Variants in CFAP299 observed in about 807,000 individuals in gnomAD.
The protein encoded by CFAP299 is cilia and flagella associated protein 299, also known as cilia- and flagella-associated protein 299.
A neutral mutation model predicts 27.0 loss-of-function variants in CFAP299; 21 were observed. The observed-to-expected ratio is 0.78, with a 90% CI of 0.55 to 1.12. CFAP299 has a LOEUF of 1.12. CFAP299 is among the 50% of genes most tolerant of loss of function. The pLI, the probability that CFAP299 is intolerant of heterozygous loss-of-function variation, is 0.00. For synonymous variants in CFAP299, 104 were observed against 98.1 expected (o/e 1.06, Z -0.36); for missense variants, 310 against 276.6 (o/e 1.12, Z -0.86).
Position 80,390,722 on chromosome 4 carries a change from TAC to T in CFAP299, c.242+27840_242+27841del, listed in dbSNP as rs369966434. The stretch of plus-strand genomic sequence containing the variant: ...ATATATGTATATATGTATACACACA[TAC>T]ATGTATATATGTATATATGTATATA... On this transcript the variant is annotated intron_variant, in intron 2 of 5. Coordinates refer to ENST00000358105, the MANE Select transcript of CFAP299 (RefSeq NM_152770.3). 1.5e-4 allele frequency among the ~76,000 whole-genome samples: 18 copies of T among 117,754 alleles called. 1 individual carries two copies. The highest frequency in any genetic ancestry group is 5.6e-4 in the African/African-American group (16 of 28,348). 77.3% of individuals were successfully genotyped at this position (117,754 alleles called of 152,430 possible). A position where few individuals can be genotyped will look rare whatever the true frequency, so the allele number is the denominator to read the frequency against.
At chr4:80,803,852 A>G (rs1578142370) in intron 3 of CFAP299, among the ~76,000 whole-genome samples, 1 of 151,978 alleles carries the variant, frequency 6.6e-6, no homozygotes, top group East Asian at 1.9e-4. Context: ...AGTATAGTTC[A>G]GTGGTGTCTT....
At chr4:80,673,395 T>C (rs913278939) in intron 3 of CFAP299, among the ~76,000 whole-genome samples, 1 of 152,208 alleles carries the variant, frequency 6.6e-6, no homozygotes, top group African/African-American at 2.4e-5. Context: ...TAATTTCTGT[T>C]CTTTTACATT....
chr4:80,832,550 A>T (rs1191148247), intron 3 of CFAP299, among the ~76,000 whole-genome samples: 1 of 152,132 alleles, frequency 6.6e-6, no homozygotes, highest in Non-Finnish European at 1.5e-5. Context: ...TAAATATTAA[A>T]TTTTCATATA....
chr4:80,479,178 T>A (rs573508984), intron 2 of CFAP299, among the ~76,000 whole-genome samples: 4 of 152,152 alleles, frequency 2.6e-5, no homozygotes, highest in South Asian at 4.1e-4. Context: ...TGCATTGCAG[T>A]TGGATTATAT....
intron 2 of CFAP299, among the ~76,000 whole-genome samples, chr4:80,504,779 G>A (rs1436775310): frequency 6.8e-6 from 1 of 147,552 alleles, no homozygotes; most frequent in Non-Finnish European, 1.5e-5. Flanking sequence ...TGGTTACCAA[G>A]GCCTAAGAGG....
Position 80,582,829 on chromosome 4 carries a change from C to T in CFAP299, c.243-264C>T, listed in dbSNP as rs116004312. Among the ~76,000 whole-genome samples, 1,074 of 151,728 alleles carry T rather than the reference C, an allele frequency of 7.1e-3. 13 individuals are homozygous for T. The highest frequency in any genetic ancestry group is 0.024 in the African/African-American group (1,004 of 41,448). ...CTTTTCATGATATGTTAAAAAAGAACGAAATGGGCATGTAAATGAAATTAT... is the reference window on the plus strand; with the variant it reads ...CTTTTCATGATATGTTAAAAAAGAATGAAATGGGCATGTAAATGAAATTAT... On this transcript the variant is annotated intron_variant, in intron 2 of 5. Transcript: ENST00000358105.
chr4:80,668,873 G>A (rs1310349042), intron 3 of CFAP299, among the ~76,000 whole-genome samples: 1 of 151,882 alleles, frequency 6.6e-6, no homozygotes, highest in Non-Finnish European at 1.5e-5. Flanking sequence ...TTTTTTGATA[G>A]GGATTGCACT....
intron 2 of CFAP299, among the ~76,000 whole-genome samples, chr4:80,398,036 A>G (rs1309990411): frequency 6.6e-6 from 1 of 152,178 alleles, no homozygotes; most frequent in African/African-American, 2.4e-5. Flanking sequence ...ATTCTTATAC[A>G]CCAATAACAG....
chr4:80,787,219 T>C (rs1229967551), intron 3 of CFAP299, among the ~76,000 whole-genome samples: 1 of 148,168 alleles, frequency 6.7e-6, no homozygotes, highest in Admixed American at 6.8e-5. Context: ...TAATATTTTA[T>C]ATATATATAA....
chr4:80,562,528 A>T (rs753429538), intron 2 of CFAP299, among the ~76,000 whole-genome samples: 4 of 151,686 alleles, frequency 2.6e-5, no homozygotes, highest in Non-Finnish European at 4.4e-5. Context: ...CAGCTTAACA[A>T]ATTAAAAATA....
rs140033786 is a variant in CFAP299, at chr4:80,405,119, T to C, written c.242+42235T>C. On this transcript the variant is annotated intron_variant, in intron 2 of 5. Coordinates refer to ENST00000358105, the MANE Select transcript of CFAP299 (RefSeq NM_152770.3). ...AAGCTTTGAACATGGCCAGTTTCCA[T>C]ACCTGCCCAATATGGATCTCATTTC... is the stretch of plus-strand genomic sequence containing the variant. Among the ~76,000 whole-genome samples, 412 of 152,308 alleles carry C rather than the reference T, an allele frequency of 2.7e-3. 3 individuals carry two copies. The Middle Eastern group carries it at 0.031, about 11-fold the overall frequency.
At chr4:80,911,642 A>T (rs1423779338) in intron 4 of CFAP299, among the ~76,000 whole-genome samples, 4 of 152,188 alleles carry the variant, frequency 2.6e-5, no homozygotes, top group Non-Finnish European at 5.9e-5. Context: ...AGTCAATACC[A>T]TAAATCTCAT....
chr4:80,546,575 T>C (rs1734238285), intron 2 of CFAP299, among the ~76,000 whole-genome samples: 1 of 152,126 alleles, frequency 6.6e-6, no homozygotes, highest in Admixed American at 6.6e-5. Flanking sequence ...TAATCCCCAA[T>C]GTTGAAGGTA....
chr4:80,373,805 G>C (rs947347620), intron 2 of CFAP299, among the ~76,000 whole-genome samples: 3 of 152,074 alleles, frequency 2.0e-5, no homozygotes, highest in Non-Finnish European at 4.4e-5. Flanking sequence ...ATGCAACAAG[G>C]CTTTTCTGCA....
At chr4:80,607,068 G>A (rs1737716112) in intron 3 of CFAP299, among the ~76,000 whole-genome samples, 1 of 152,128 alleles carries the variant, frequency 6.6e-6, no homozygotes, top group African/African-American at 2.4e-5. Flanking sequence ...GGGAACAGTG[G>A]TTCCTTACAT....
intron 3 of CFAP299, among the ~76,000 whole-genome samples, chr4:80,836,040 T>C (rs913037989): frequency 1.3e-5 from 2 of 152,232 alleles, no homozygotes; most frequent in Admixed American, 1.3e-4. Context: ...TCTTACATAT[T>C]GAGCATTGAG....
intron 2 of CFAP299, among the ~76,000 whole-genome samples, chr4:80,411,565 A>G (rs1726722168): frequency 6.6e-6 from 1 of 152,128 alleles, no homozygotes; most frequent in African/African-American, 2.4e-5. Flanking sequence ...TTTAATAAAC[A>G]ACCTTTGCTA....
intron 3 of CFAP299, among the ~76,000 whole-genome samples, chr4:80,823,457 C>A (rs1360233453): frequency 6.6e-6 from 1 of 152,108 alleles, no homozygotes; most frequent in Non-Finnish European, 1.5e-5. Flanking sequence ...AACTGGGCTG[C>A]AATTCTTATG....
At chr4:80,821,789 C>T (rs1034039107) in intron 3 of CFAP299, among the ~76,000 whole-genome samples, 1 of 152,108 alleles carries the variant, frequency 6.6e-6, no homozygotes, top group Non-Finnish European at 1.5e-5. Flanking sequence ...CCAGCTGACA[C>T]CCAGAGACAC....
Sources: gnomAD v4.1 joint callset for allele counts (sites outside exome capture counted in the v4.1 genomes callset) on GRCh38, gnomAD v4.1.1 for gene constraint, MANE v1.5 for transcripts, NCBI Gene and HGNC (gene_info 2026-07-23, HGNC 2026-07-21) for gene names.